The following MTRF1 variants were observed in gnomAD, a reference collection of about 807,000 sequenced individuals.
MTRF1 encodes peptide chain release factor 1, mitochondrial.
In MTRF1, 51 loss-of-function variants were observed where a neutral mutation model predicts 62.9. The ratio of observed to expected loss-of-function variants is 0.81; its 90% CI spans 0.65 to 1.02. The LOEUF (loss-of-function observed/expected upper bound fraction) is 1.02. Among genes scored for constraint, MTRF1 ranks in the 50% least tolerant of loss-of-function variants. MTRF1 has a pLI of 0.00. For synonymous variants in MTRF1, 158 were observed against 181.9 expected, an observed-to-expected ratio of 0.87 and a Z score of 1.06; for missense variants, 446 against 530.0, an observed-to-expected ratio of 0.84 and a Z score of 1.56.
At chr13:41,248,401 C>T (rs2038571855) in intron 5 of MTRF1, among the ~76,000 whole-genome samples, 1 of 152,214 alleles carries the variant, frequency 6.6e-6, no homozygotes, top group Non-Finnish European at 1.5e-5. Context: ...TGATTACAGG[C>T]GTAAGCCACT....
chr13:41,228,453 C>T (rs2034878562), intron 7 of MTRF1, among the ~76,000 whole-genome samples: 1 of 152,106 alleles, frequency 6.6e-6, no homozygotes, highest in South Asian at 2.1e-4. Flanking sequence ...ATAGTCCCAG[C>T]TACTCAGGGG....
the MTRF1 span, among the ~76,000 whole-genome samples, chr13:41,303,799 C>A: frequency 3.9e-5 from 6 of 152,326 alleles, no homozygotes; most frequent in South Asian, 8.3e-4. Flanking sequence ...AAAACAAAAG[C>A]ACTCCTAATT....
the MTRF1 span, among the ~76,000 whole-genome samples, chr13:41,294,602 TA>T: frequency 1.3e-5 from 2 of 151,968 alleles, no homozygotes; most frequent in Non-Finnish European, 2.9e-5. Context: ...GTATTTTTGG[TA>T]AGAAAGGTTA....
chr13:41,240,573 TGAA>T (rs71957887), intron 5 of MTRF1, 140 bp from the exon 6 acceptor site: 31,904 of 588,870 alleles, frequency 0.054, 1,248 homozygotes, highest in East Asian at 0.071. Context: ...CGAGGGCCTC[TGAA>T]GAAGAAGAAG....
the MTRF1 span, among the ~76,000 whole-genome samples, chr13:41,291,073 G>A: frequency 6.9e-6 from 1 of 144,450 alleles, no homozygotes; most frequent in South Asian, 2.3e-4. Flanking sequence ...TCCAGCCTGG[G>A]CAACAAGAGC....
At chr13:41,255,282 T>C (rs2039560110) in intron 2 of MTRF1, among the ~76,000 whole-genome samples, 3 of 152,160 alleles carry the variant, frequency 2.0e-5, no homozygotes, top group South Asian at 4.1e-4. Context: ...TCAGATGTGA[T>C]CATGGTACAC....
In MTRF1 at chr13:41,240,360, A is replaced by G; in HGVS notation, c.771T>C (p.Ile257=). 6.2e-7 allele frequency: 1 copy of G among 1,613,962 alleles called. No individual in the cohort carries two copies. The highest frequency in any genetic ancestry group is 8.5e-7 in the Non-Finnish European group (1 of 1,179,910). Residue 257 remains isoleucine (I), a synonymous_variant, in exon 6 of 10, where the codon ATT becomes ATC. Transcript: ENST00000379480. ...VYKHLKYEGG[I]HRVQRIPEVG... Reference sequence around the variant, plus strand: ...CCTCGGGGATGCGCTGAACTCGGTGAATCCCACCCTCATACTTCAAATGCT... The same window carrying G: ...CCTCGGGGATGCGCTGAACTCGGTGGATCCCACCCTCATACTTCAAATGCT...
chr13:41,224,670 G>A (rs960932045), intron 8 of MTRF1, among the ~76,000 whole-genome samples: 4 of 152,186 alleles, frequency 2.6e-5, no homozygotes, highest in African/African-American at 9.7e-5. Context: ...GGGCATCTAC[G>A]AAAGCTTGTT....
At chr13:41,284,757 G>C in the MTRF1 span, among the ~76,000 whole-genome samples, 1 of 152,104 alleles carries the variant, frequency 6.6e-6, no homozygotes, top group Non-Finnish European at 1.5e-5. Flanking sequence ...AAGTTCAAGT[G>C]ATTCTTGTGC....
chr13:41,281,528 C>T, the MTRF1 span, among the ~76,000 whole-genome samples: 1 of 152,140 alleles, frequency 6.6e-6, no homozygotes, highest in East Asian at 1.9e-4. Context: ...TGTTCAGGGC[C>T]TTGCCACCAG....
intron 2 of MTRF1, among the ~76,000 whole-genome samples, chr13:41,259,715 A>AAC (rs201667443): frequency 0.013 from 1,976 of 150,486 alleles, 78 homozygotes; most frequent in African/African-American, 0.045. Flanking sequence ...AAAAAAAAAA[A>AAC]AAAAAACATA....
chr13:41,283,565 T>G, the MTRF1 span, among the ~76,000 whole-genome samples: 1 of 150,816 alleles, frequency 6.6e-6, no homozygotes, highest in Non-Finnish European at 1.5e-5. Context: ...TACTCTACAT[T>G]CTGTGTGAGC....
the MTRF1 span, among the ~76,000 whole-genome samples, chr13:41,299,198 G>GA: frequency 3.0e-3 from 412 of 138,534 alleles, 1 homozygote; most frequent in African/African-American, 9.8e-3. Context: ...ATCTAAAAAA[G>GA]AAAAAAAAAA....
chr13:41,269,199 G>GTTTTT, the MTRF1 span, among the ~76,000 whole-genome samples: 25 of 68,682 alleles, frequency 3.6e-4, no homozygotes, highest in South Asian at 1.5e-3. Flanking sequence ...TTTTTTTTTG[G>GTTTTT]TTTTTTTTTT....
intron 2 of MTRF1, among the ~76,000 whole-genome samples, chr13:41,256,084 A>C (rs1594015216): frequency 6.6e-6 from 1 of 152,224 alleles, no homozygotes; most frequent in Non-Finnish European, 1.5e-5. Context: ...TTCAACATTT[A>C]ACATTTTGCT....
the MTRF1 span, among the ~76,000 whole-genome samples, chr13:41,310,148 C>G: frequency 6.6e-6 from 1 of 152,182 alleles, no homozygotes; most frequent in African/African-American, 2.4e-5. Context: ...TTACACACAC[C>G]TTACTACTAA....
rs554259036 is a variant in MTRF1 at position 41,254,956 on chromosome 13, T to C, written c.416-336A>G. Among the ~76,000 whole-genome samples the C allele has an allele frequency of 3.9e-5, 6 of 152,238 alleles. No homozygotes were observed. In the East Asian group the frequency reaches 9.6e-4, roughly 24 times the overall value. ...ATATAGAAACCCACATTTACAAAGCTCGTTATTTGAATGTCTATAATTATA... is the reference window on the plus strand; with the variant it reads ...ATATAGAAACCCACATTTACAAAGCCCGTTATTTGAATGTCTATAATTATA... On this transcript the variant is annotated intron_variant, in intron 2 of 9. Transcript: ENST00000379480.
chr13:41,266,919 T>G (rs2040846123), upstream of MTRF1, among the ~76,000 whole-genome samples: 1 of 140,866 alleles, frequency 7.1e-6, no homozygotes, highest in Non-Finnish European at 1.5e-5. Flanking sequence ...GGTGTGAACC[T>G]GGGAGGCAGA....
upstream of MTRF1, among the ~76,000 whole-genome samples, chr13:41,266,715 C>T (rs112870207): frequency 4.6e-3 from 690 of 150,556 alleles, 7 homozygotes; most frequent in African/African-American, 0.015. Context: ...CCTGTGATGC[C>T]GGGCGCAGTG....
Sources: allele counts gnomAD v4.1 joint callset (sites outside exome capture counted in the v4.1 genomes callset), GRCh38; gene constraint gnomAD v4.1.1; transcripts MANE v1.5; gene names NCBI Gene and HGNC (gene_info 2026-07-23, HGNC 2026-07-21).